Variants in NALCN observed in about 807,000 individuals in gnomAD.
NALCN encodes sodium leak channel, non-selective, also known as sodium leak channel NALCN.
NALCN carries 111 observed loss-of-function variants against 225.3 expected under a neutral mutation model. The observed-to-expected ratio is 0.49, with a 90% CI of 0.42 to 0.58. The LOEUF (loss-of-function observed/expected upper bound fraction) is 0.58, where lower values mean the gene tolerates loss of function less well. Ranked by LOEUF, NALCN falls within the 20% of genes least tolerant of loss-of-function variation. The probability of loss-of-function intolerance (pLI) is 0.00; values close to 1 mark genes in which losing one functional copy is unlikely to be tolerated. For synonymous variants in NALCN, 764 were observed against 769.0 expected, an observed-to-expected ratio of 0.99 and a Z score of 0.11; for missense variants, 1,378 against 2,202.4, an observed-to-expected ratio of 0.63 and a Z score of 7.49.
At chr13:101,327,675 A>G (rs2045009796) in intron 7 of NALCN, among the ~76,000 whole-genome samples, 2 of 152,340 alleles carry the variant, frequency 1.3e-5, no homozygotes, top group Admixed American at 1.3e-4. Context: ...TTCAAGGAAC[A>G]TCGAGTCAGG....
intron 15 of NALCN, among the ~76,000 whole-genome samples, chr13:101,149,069 G>A (rs1290712049): frequency 2.6e-5 from 4 of 152,242 alleles, no homozygotes; most frequent in East Asian, 3.9e-4. Context: ...CGAGGTGGGC[G>A]GATCACGAGG....
chr13:101,260,971 C>T (rs1370733776), intron 10 of NALCN, among the ~76,000 whole-genome samples: 2 of 152,072 alleles, frequency 1.3e-5, no homozygotes, highest in Non-Finnish European at 2.9e-5. Flanking sequence ...TGGAGATTTT[C>T]CCCAGTGTTT....
chr13:101,208,761 C>T (rs931788050), intron 13 of NALCN, among the ~76,000 whole-genome samples: 1 of 152,112 alleles, frequency 6.6e-6, no homozygotes, highest in African/African-American at 2.4e-5. Flanking sequence ...AAAGAGTTGG[C>T]GCCTCCTCTC....
intron 15 of NALCN, among the ~76,000 whole-genome samples, chr13:101,156,144 C>T (rs887196203): frequency 4.6e-5 from 7 of 152,070 alleles, no homozygotes; most frequent in African/African-American, 1.7e-4. Context: ...CAGTCGGCTT[C>T]TCTAGTCTTC....
At chr13:101,402,036 C>A (rs912962847) in intron 1 of NALCN, among the ~76,000 whole-genome samples, 2 of 152,108 alleles carry the variant, frequency 1.3e-5, no homozygotes, top group African/African-American at 4.8e-5. Context: ...ATACAGCAGA[C>A]CTATTATTTC....
At chr13:101,416,801 C>T (rs1374719342), upstream of NALCN, among the ~76,000 whole-genome samples, 1 of 151,644 alleles carries the variant, frequency 6.6e-6, no homozygotes, top group African/African-American at 2.4e-5. Flanking sequence ...AGCACGGCGG[C>T]GGTGTGCACG....
chr13:101,238,012 C>T, intron 11 of NALCN, 90 bp from the exon 12 acceptor site: 1 of 1,243,530 alleles, frequency 8.0e-7, no homozygotes, highest in Non-Finnish European at 1.1e-6. Flanking sequence ...TGAATTTTTG[C>T]CACTATCATA....
chr13:101,072,768 A>G (rs2032983666), intron 37 of NALCN, among the ~76,000 whole-genome samples: 1 of 152,152 alleles, frequency 6.6e-6, no homozygotes, highest in African/African-American at 2.4e-5. Context: ...CCATGCAGCG[A>G]TGTAAATTTA....
chr13:101,184,796 C>T lies in NALCN; in HGVS notation c.1764+7121G>A, dbSNP rs138681244. On this transcript the variant is annotated intron_variant, in intron 14 of 43. Transcript: ENST00000251127. ...AATTTCTCTCCCTGCAGCAACATATCCTATTTTACATTCTCTCTGACTCTG... is the reference window on the plus strand; with the variant it reads ...AATTTCTCTCCCTGCAGCAACATATTCTATTTTACATTCTCTCTGACTCTG... Among the ~76,000 whole-genome samples the T allele has an allele frequency of 1.8e-3, 276 of 152,264 alleles. 2 individuals carry two copies. Among genetic ancestry groups the T allele is most frequent in the East Asian group, 7.2e-3 (37 of 5,168 alleles).
At chr13:101,323,529 G>T (rs923139133) in intron 7 of NALCN, among the ~76,000 whole-genome samples, 1 of 152,022 alleles carries the variant, frequency 6.6e-6, no homozygotes, top group Non-Finnish European at 1.5e-5. Flanking sequence ...TTTTAATATT[G>T]TATTTCCTCA....
chr13:101,220,155 T>C (rs2040881833), intron 13 of NALCN, among the ~76,000 whole-genome samples: 1 of 152,204 alleles, frequency 6.6e-6, no homozygotes. Flanking sequence ...CAAGATAACA[T>C]AGACAATTGC....
intron 1 of NALCN, among the ~76,000 whole-genome samples, chr13:101,415,563 C>A (rs2047919523): frequency 6.6e-6 from 1 of 152,202 alleles, no homozygotes; most frequent in African/African-American, 2.4e-5. Context: ...AAAATGACTG[C>A]GATCTGGGCC....
chr13:101,169,674 G>A lies in NALCN; in HGVS notation c.1839+6626C>T, dbSNP rs540528297. ...GAGCTGGTTCTCTGCAGGCAGCATG[G>A]CCTTTTTCAGCAAGGACATTGGTTT... On this transcript the variant is annotated intron_variant, in intron 15 of 43. Coordinates refer to ENST00000251127, the MANE Select transcript of NALCN (RefSeq NM_052867.4). Among the ~76,000 whole-genome samples, 10 of 152,316 alleles carry A rather than the reference G, an allele frequency of 6.6e-5. No homozygotes were observed. The East Asian group carries it at 7.7e-4, about 12-fold the overall frequency.
chr13:101,378,522 T>A, intron 4 of NALCN, 48 bp downstream of exon 4: 1 of 1,435,082 alleles, frequency 7.0e-7, no homozygotes, highest in Non-Finnish European at 9.6e-7. Context: ...GCAAAATAAT[T>A]CCCATTTTGG....
chr13:101,278,573 T>C (rs1246417260), intron 10 of NALCN, among the ~76,000 whole-genome samples: 1 of 149,536 alleles, frequency 6.7e-6, no homozygotes, highest in Non-Finnish European at 1.5e-5. Flanking sequence ...TTTTCAATGA[T>C]GCTATTCCTA....
At chr13:101,272,773 A>C (rs1048523861) in intron 10 of NALCN, among the ~76,000 whole-genome samples, 1 of 152,174 alleles carries the variant, frequency 6.6e-6, no homozygotes, top group African/African-American at 2.4e-5. Context: ...GGGAACCTAC[A>C]TTCTCATGGG....
chr13:101,186,376 G>A (rs907276253), intron 14 of NALCN, among the ~76,000 whole-genome samples: 1 of 152,164 alleles, frequency 6.6e-6, no homozygotes, highest in Admixed American at 6.5e-5. Context: ...TGGCCAGGAC[G>A]TAGGTTAGTA....
At chr13:101,128,076 T>C (rs928216063) in intron 17 of NALCN, among the ~76,000 whole-genome samples, 2 of 152,166 alleles carry the variant, frequency 1.3e-5, no homozygotes, top group African/African-American at 4.8e-5. Context: ...GAGCCAGTAA[T>C]TGCTCATTCT....
intron 7 of NALCN, among the ~76,000 whole-genome samples, chr13:101,340,870 C>A (rs937889117): frequency 3.9e-5 from 6 of 152,110 alleles, no homozygotes; most frequent in Non-Finnish European, 8.8e-5. Context: ...AATATTATTA[C>A]TCATATTGAA....
Sources: allele counts gnomAD v4.1 joint callset (sites outside exome capture counted in the v4.1 genomes callset), GRCh38; gene constraint gnomAD v4.1.1; transcripts MANE v1.5; gene names NCBI Gene and HGNC (gene_info 2026-07-23, HGNC 2026-07-21).